Variants in SH3BGRL2 observed in about 807,000 individuals in gnomAD.
The protein encoded by SH3BGRL2 is SH3 domain binding glutamate rich protein like 2.
Under a neutral mutation model 14.8 loss-of-function variants are expected in SH3BGRL2, and 21 were observed. That is an observed-to-expected ratio of 1.42 (90% CI 1.01 to 2.05). The LOEUF (loss-of-function observed/expected upper bound fraction) is 2.05, where lower values mean the gene tolerates loss of function less well. Among genes scored for constraint, SH3BGRL2 ranks in the 30% most tolerant of loss-of-function variants. The pLI is 0.00. For synonymous variants in SH3BGRL2, 50 were observed against 47.8 expected, an observed-to-expected ratio of 1.05 and a Z score of -0.19; for missense variants, 147 against 130.8, an observed-to-expected ratio of 1.12 and a Z score of -0.61.
the SH3BGRL2 span, among the ~76,000 whole-genome samples, chr6:79,623,301 CAAAA>C: frequency 1.4e-5 from 2 of 141,666 alleles, no homozygotes; most frequent in Non-Finnish European, 1.5e-5. Context: ...GACTCTGCCT[CAAAA>C]AAAAAAAAAA....
chr6:79,698,526 A>G (rs1770378349), intron 3 of SH3BGRL2, among the ~76,000 whole-genome samples: 1 of 152,192 alleles, frequency 6.6e-6, no homozygotes. Context: ...ATTAGCACCT[A>G]TAATTGCTCT....
the SH3BGRL2 span, among the ~76,000 whole-genome samples, chr6:79,546,936 T>A: frequency 6.6e-6 from 1 of 152,132 alleles, no homozygotes; most frequent in Non-Finnish European, 1.5e-5. Context: ...TGCCTCAGCC[T>A]CCCAAAGTGC....
chr6:79,624,548 T>C, the SH3BGRL2 span, among the ~76,000 whole-genome samples: 1 of 151,890 alleles, frequency 6.6e-6, no homozygotes, highest in African/African-American at 2.4e-5. Flanking sequence ...GTAGGGATTG[T>C]GTTTGATTTA....
At position 79,699,573 on chromosome 6, in the gene SH3BGRL2, G is replaced by A. The variant is rs555312070; in HGVS notation, c.*64G>A. Reference sequence around the variant, plus strand: ...CACCCCTGGTACTCAGCACACACATGCTTACCTAATGCATCACTGTGACAA... The same window carrying A: ...CACCCCTGGTACTCAGCACACACATACTTACCTAATGCATCACTGTGACAA... On this transcript the variant is annotated 3_prime_UTR_variant, in exon 4 of 4. Transcript: ENST00000369838. 4 of 1,456,202 alleles carry A rather than the reference G, an allele frequency of 2.7e-6. No homozygotes were observed. Among genetic ancestry groups the A allele is most frequent in the Non-Finnish European group, 3.6e-6 (4 of 1,104,170 alleles). 90.2% of individuals were successfully genotyped at this position (1,456,202 alleles called of 1,614,324 possible). A position where few individuals can be genotyped will look rare whatever the true frequency, so the allele number is the denominator to read the frequency against.
At chr6:79,686,427 A>C (rs1380154549) in intron 2 of SH3BGRL2, among the ~76,000 whole-genome samples, 3 of 151,584 alleles carry the variant, frequency 2.0e-5, no homozygotes, top group Non-Finnish European at 2.9e-5. Context: ...TTATCTAGTA[A>C]TTTCCATCTC....
intron 2 of SH3BGRL2, among the ~76,000 whole-genome samples, chr6:79,685,064 G>T (rs1372189502): frequency 6.6e-6 from 1 of 152,148 alleles, no homozygotes; most frequent in Non-Finnish European, 1.5e-5. Flanking sequence ...TATAACTCTA[G>T]CTTTTATTCT....
the SH3BGRL2 span, among the ~76,000 whole-genome samples, chr6:79,617,579 G>A: frequency 6.6e-6 from 1 of 152,132 alleles, no homozygotes; most frequent in Non-Finnish European, 1.5e-5. Context: ...AAACAAGATC[G>A]GTCCCTCAAA....
At chr6:79,581,590 C>T in the SH3BGRL2 span, among the ~76,000 whole-genome samples, 11 of 152,244 alleles carry the variant, frequency 7.2e-5, no homozygotes, top group Non-Finnish European at 1.0e-4. Flanking sequence ...AATTCAACAG[C>T]GCTTCATGCT....
At chr6:79,682,491 T>C (rs901883210) in intron 2 of SH3BGRL2, among the ~76,000 whole-genome samples, 1 of 152,174 alleles carries the variant, frequency 6.6e-6, no homozygotes, top group Non-Finnish European at 1.5e-5. Flanking sequence ...ATACACTTAA[T>C]TGTGCTTGGG....
At chr6:79,654,809 G>A (rs954816285) in intron 1 of SH3BGRL2, among the ~76,000 whole-genome samples, 6 of 152,144 alleles carry the variant, frequency 3.9e-5, no homozygotes, top group Non-Finnish European at 4.4e-5. Context: ...GTGGTGTTAA[G>A]GTTTGATCCC....
chr6:79,546,144 T>G, the SH3BGRL2 span, among the ~76,000 whole-genome samples: 3 of 152,232 alleles, frequency 2.0e-5, no homozygotes, highest in Admixed American at 6.5e-5. Flanking sequence ...CCAAAATTAT[T>G]GGGACTAGAA....
chr6:79,626,311 G>A, the SH3BGRL2 span, among the ~76,000 whole-genome samples: 1 of 152,128 alleles, frequency 6.6e-6, no homozygotes, highest in Non-Finnish European at 1.5e-5. Flanking sequence ...CTGCTTAAAA[G>A]AACTCTTTAT....
At chr6:79,578,500 G>C in the SH3BGRL2 span, among the ~76,000 whole-genome samples, 1 of 152,172 alleles carries the variant, frequency 6.6e-6, no homozygotes, top group African/African-American at 2.4e-5. Context: ...TGATACCCAG[G>C]AAAACAGCAT....
chr6:79,618,016 G>A, the SH3BGRL2 span, among the ~76,000 whole-genome samples: 1 of 152,192 alleles, frequency 6.6e-6, no homozygotes, highest in East Asian at 1.9e-4. Context: ...TGATATTTAT[G>A]TAATTATGTA....
chr6:79,679,540 C>A (rs1309639048), intron 2 of SH3BGRL2, among the ~76,000 whole-genome samples: 1 of 152,062 alleles, frequency 6.6e-6, no homozygotes, highest in African/African-American at 2.4e-5. Context: ...TATTTTCTCC[C>A]ATTTGTAGGT....
At chr6:79,573,132 C>T in the SH3BGRL2 span, among the ~76,000 whole-genome samples, 1 of 152,092 alleles carries the variant, frequency 6.6e-6, no homozygotes, top group African/African-American at 2.4e-5. Context: ...GAAGATTTTA[C>T]TTTGTATATG....
the SH3BGRL2 span, among the ~76,000 whole-genome samples, chr6:79,625,193 T>C: frequency 6.9e-6 from 1 of 144,322 alleles, no homozygotes; most frequent in Admixed American, 6.8e-5. Context: ...AATATATATA[T>C]ACACACACAC....
chr6:79,622,313 T>G, the SH3BGRL2 span, among the ~76,000 whole-genome samples: 1 of 152,172 alleles, frequency 6.6e-6, no homozygotes, highest in Non-Finnish European at 1.5e-5. Context: ...ACAAAGACAA[T>G]TGTTACTCTT....
the SH3BGRL2 span, among the ~76,000 whole-genome samples, chr6:79,549,153 A>G: frequency 6.6e-6 from 1 of 152,234 alleles, no homozygotes; most frequent in Admixed American, 6.5e-5. Context: ...AAAAACACAC[A>G]TTAAGGATGA....
Sources: gnomAD v4.1 joint callset for allele counts (sites outside exome capture counted in the v4.1 genomes callset) on GRCh38, gnomAD v4.1.1 for gene constraint, MANE v1.5 for transcripts, NCBI Gene and HGNC (gene_info 2026-07-23, HGNC 2026-07-21) for gene names.